Variants in HS3ST6 observed in about 807,000 individuals in gnomAD.
The protein encoded by HS3ST6 is heparan sulfate glucosamine 3-O-sulfotransferase 6.
Under a neutral mutation model 11.0 loss-of-function variants are expected in HS3ST6, and 13 were observed. The ratio of observed to expected loss-of-function variants is 1.18; its 90% confidence interval spans 0.77 to 1.88. HS3ST6 has a LOEUF of 1.88. HS3ST6 is among the 40% of genes most tolerant of loss of function. The pLI, the probability that HS3ST6 is intolerant of heterozygous loss-of-function variation, is 0.00. For missense variants in HS3ST6, 541 were observed against 494.4 expected (o/e 1.09, Z -0.89); for synonymous variants, 232 against 230.6 (o/e 1.01, Z -0.06).
chr16:1,916,095 AG>A (rs1365196906), intron 1 of HS3ST6, among the ~76,000 whole-genome samples: 14 of 63,174 alleles, frequency 2.2e-4, no homozygotes, highest in African/African-American at 8.2e-4. Flanking sequence ...GGCTCATTGC[AG>A]GCTCCTAGCA....
Position 1,918,223 on chromosome 16 carries a change from A to T in HS3ST6, c.101T>A (p.Leu34His). Residue 34 changes from leucine (L) to histidine (H), a missense_variant, in exon 1 of 2, where the codon CTC becomes CAC. Leu to His is a moderately conservative substitution (Grantham distance 99). Coordinates refer to ENST00000454677, the MANE Select transcript of HS3ST6 (RefSeq NM_001009606.4). This position sits in a 1 kb window ranked among gnomAD's most constrained non-coding sequence, Gnocchi z 6.0. ...ALRASRAPML[L>H]VALVLGAYCL... ...GTAGGCGCCGAGCACCAGGGCCACG[A>T]GCAGCATCGGCGCGCGGGACGCCCG... 1 of 1,042,722 alleles carries T rather than the reference A, an allele frequency of 9.6e-7. No individual in the cohort carries two copies. Among genetic ancestry groups the T allele is most frequent in the Non-Finnish European group, 1.1e-6 (1 of 869,748 alleles). The allele number at this position is 1,042,722 out of a possible 1,614,324, so 64.6% of individuals were successfully genotyped here.
intron 1 of HS3ST6, among the ~76,000 whole-genome samples, chr16:1,916,804 C>T (rs2082929698): frequency 6.6e-6 from 1 of 151,032 alleles, no homozygotes; most frequent in Non-Finnish European, 1.5e-5. Flanking sequence ...CTTGGTAGCC[C>T]CTCCTACCCT....
In HS3ST6 at chr16:1,912,179, C is replaced by T. The variant is rs1445903843; in HGVS notation, c.440G>A (p.Gly147Glu). Residue 147 changes from glycine to glutamate, a missense_variant, in exon 2 of 2, where the codon GGG becomes GAG. Transcript: ENST00000454677. The surrounding 1 kb of genome is among the most constrained non-coding windows in gnomAD (Gnocchi z 5.6). Reference protein sequence around the residue: ...YRSLMPRTLDGQITMEKTPSY... With the variant: ...YRSLMPRTLDEQITMEKTPSY... ...GGGGGTCTTCTCCATGGTGATCTGC[C>T]CATCCAGGGTTCGGGGCATCAGACT... The T allele has an allele frequency of 1.4e-6, 2 of 1,454,614 alleles. No homozygotes were observed. The highest frequency in any genetic ancestry group is 2.6e-5 in the East Asian group (1 of 38,862). 90.1% of individuals were successfully genotyped at this position (1,454,614 alleles called of 1,614,324 possible).
Position 1,911,606 on chromosome 16 carries a change from T to A in HS3ST6, c.1013A>T (p.Asp338Val), listed in dbSNP as rs917808307. The A allele has an allele frequency of 6.2e-7, 1 of 1,604,640 alleles. No individual in the cohort carries two copies. The highest frequency in any genetic ancestry group is 1.3e-5 in the African/African-American group (1 of 74,718). The change falls in exon 2 of 2, where the codon GAC (aspartate) becomes GTC (valine). Residue 338 changes from aspartate (D) to valine (V), a missense_variant. Coordinates refer to ENST00000454677, the MANE Select transcript of HS3ST6 (RefSeq NM_001009606.4). The part of the protein sequence containing the change: ...NRRFYQMTGQ[D>V]FGWG ...GGGTGCCGCTCAGCCCCAGCCGAAG[T>A]CCTGGCCCGTCATCTGGTAGAACCT...
At chr16:1,914,515 G>C (rs559855047) in intron 1 of HS3ST6, among the ~76,000 whole-genome samples, 1 of 152,132 alleles carries the variant, frequency 6.6e-6, no homozygotes, top group African/African-American at 2.4e-5. Flanking sequence ...CTTCCCTCCC[G>C]TCTCGGGCAT....
upstream of HS3ST6, among the ~76,000 whole-genome samples, chr16:1,919,320 T>C (rs974601099): frequency 6.6e-6 from 1 of 152,064 alleles, no homozygotes; most frequent in Non-Finnish European, 1.5e-5. Flanking sequence ...GGCGTGAGAT[T>C]CAGGGGCCTC....
intron 1 of HS3ST6, among the ~76,000 whole-genome samples, chr16:1,915,122 G>A (rs1179600549): frequency 6.6e-6 from 1 of 152,170 alleles, no homozygotes; most frequent in Non-Finnish European, 1.5e-5. Flanking sequence ...GCCAGAAAGT[G>A]CAGGGGGACT....
At chr16:1,916,809 T>C (rs2082929729) in intron 1 of HS3ST6, among the ~76,000 whole-genome samples, 1 of 123,866 alleles carries the variant, frequency 8.1e-6, no homozygotes, top group South Asian at 3.0e-4. Flanking sequence ...TAGCCCCTCC[T>C]ACCCTCCTCC....
chr16:1,918,166 G>T lies in HS3ST6; in HGVS notation c.158C>A (p.Pro53Gln). Reference sequence around the variant, plus strand: ...GGCCGGCGCGGGGGCGCGGGCGGCCGGCGGGCAGCGGCCGGGGAGGGCGCA... The same window carrying T: ...GGCCGGCGCGGGGGCGCGGGCGGCCTGCGGGCAGCGGCCGGGGAGGGCGCA... ...CLCALPGRCPPAARAPAPAPA... is the reference protein window; with the variant it reads ...CLCALPGRCPQAARAPAPAPA... Residue 53 changes from proline (P) to glutamine (Q), a missense_variant, in exon 1 of 2, where the codon CCG (proline) becomes CAG (glutamine). Coordinates refer to ENST00000454677, the MANE Select transcript of HS3ST6 (RefSeq NM_001009606.4). This position sits in a 1 kb window ranked among gnomAD's most constrained non-coding sequence, Gnocchi z 6.0. The T allele has an allele frequency of 8.9e-7, 1 of 1,120,170 alleles. No homozygotes were observed. Among genetic ancestry groups the T allele is most frequent in the Non-Finnish European group, 1.1e-6 (1 of 918,912 alleles). 69.4% of individuals were successfully genotyped at this position (1,120,170 alleles called of 1,614,324 possible).
intron 1 of HS3ST6, among the ~76,000 whole-genome samples, chr16:1,914,822 T>C (rs2082915745): frequency 1.3e-5 from 2 of 152,104 alleles, no homozygotes; most frequent in African/African-American, 4.8e-5. Context: ...GATCAATTAC[T>C]TTCCCTCCCC....
chr16:1,911,479 G>A lies in HS3ST6; in HGVS notation c.*111C>T, dbSNP rs2082885005. ...ACCTCGAGGTTTGTGGAAAAATCTG[G>A]GTCCAAGCTTTATTTCTTAAATATT... On this transcript the variant is annotated 3_prime_UTR_variant, in exon 2 of 2. Coordinates refer to ENST00000454677, the MANE Select transcript of HS3ST6 (RefSeq NM_001009606.4). The A allele has an allele frequency of 1.5e-6, 2 of 1,308,390 alleles. No homozygotes were observed. Among genetic ancestry groups the A allele is most frequent in the South Asian group, 1.6e-5 (1 of 64,232 alleles). 81.0% of individuals were successfully genotyped at this position (1,308,390 alleles called of 1,614,324 possible). A position where few individuals can be genotyped will look rare whatever the true frequency, so the allele number is the denominator to read the frequency against.
Position 1,911,959 on chromosome 16 carries a change from C to T in HS3ST6, c.660G>A (p.Trp220Ter). The change falls in exon 2 of 2, where the codon TGG (tryptophan) becomes TGA (stop). Residue 220 changes from tryptophan to a stop codon, truncating the protein, a stop_gained. Coordinates refer to ENST00000454677, the MANE Select transcript of HS3ST6 (RefSeq NM_001009606.4). LOFTEE classifies it low-confidence loss of function (END_TRUNC). ...CGTACAGGCCGATGCGGACGGCGCTCCAGGCTGTGTCCACGGGGCCCAGGC... is the reference window on the plus strand; with the variant it reads ...CGTACAGGCCGATGCGGACGGCGCTTCAGGCTGTGTCCACGGGGCCCAGGC... ...RHGLGPVDTA[W>*]SAVRIGLYAQ... is the part of the protein sequence containing the mutation. The T allele has an allele frequency of 6.4e-7, 1 of 1,569,840 alleles. No individual in the cohort carries two copies. Among genetic ancestry groups the T allele is most frequent in the Non-Finnish European group, 8.6e-7 (1 of 1,156,704 alleles).
At chr16:1,919,896 A>G (rs543992032), upstream of HS3ST6, among the ~76,000 whole-genome samples, 1 of 152,214 alleles carries the variant, frequency 6.6e-6, no homozygotes, top group Admixed American at 6.5e-5. Flanking sequence ...ATGCTGGCTT[A>G]TGCTGGGTCA....
Position 1,917,946 on chromosome 16 carries a change from G to A in HS3ST6, c.378C>T (p.Phe126=), listed in dbSNP as rs574135924. ...CGAGGCCGCGCTCGTAGCACCTGTC[G>A]AAGAAGTGGGGCTCAGAGCCCAGCG... ...VRALGSEPHF[F]DRCYERGLAW... Residue 126 remains phenylalanine, a synonymous_variant, in exon 1 of 2, where the codon TTC becomes TTT. Coordinates refer to ENST00000454677, the MANE Select transcript of HS3ST6 (RefSeq NM_001009606.4). 1.4e-4 allele frequency: 213 copies of A among 1,510,904 alleles called. 3 individuals carry two copies. In the Middle Eastern group the frequency reaches 3.3e-3, roughly 23 times the overall value. The allele number at this position is 1,510,904 out of a possible 1,614,324, so 93.6% of individuals were successfully genotyped here.
chr16:1,913,022 C>A (rs368217122), intron 1 of HS3ST6, among the ~76,000 whole-genome samples: 2 of 152,258 alleles, frequency 1.3e-5, no homozygotes, highest in South Asian at 4.1e-4. Context: ...GAACTCCTGA[C>A]CTCAGGTGAT....
At chr16:1,914,527 C>T (rs980706797) in intron 1 of HS3ST6, among the ~76,000 whole-genome samples, 4 of 152,214 alleles carry the variant, frequency 2.6e-5, no homozygotes, top group African/African-American at 9.6e-5. Flanking sequence ...CTCGGGCATA[C>T]TGACCCCAGG....
rs1657142 is a variant in HS3ST6, at chr16:1,912,998, G to T, written c.414-793C>A. Among the ~76,000 whole-genome samples the T allele has an allele frequency of 2.0e-5, 3 of 151,752 alleles. No homozygotes were observed. Among genetic ancestry groups the T allele is most frequent in the Non-Finnish European group, 4.4e-5 (3 of 67,932 alleles). On this transcript the variant is annotated intron_variant, in intron 1 of 1. Transcript: ENST00000454677. This position sits in a 1 kb window ranked among gnomAD's most constrained non-coding sequence, Gnocchi z 5.6. ...GTAGAGACGGGGTTTCGCCATGTTG[G>T]CCAGGCTGGTCTCGAACTCCTGACC...
Position 1,912,339 on chromosome 16 carries a change from G to A in HS3ST6, c.414-134C>T, listed in dbSNP as rs1007057098. 10 of 803,304 alleles carry A rather than the reference G, an allele frequency of 1.2e-5. No individual in the cohort carries two copies. Among genetic ancestry groups the A allele is most frequent in the South Asian group, 1.1e-4 (2 of 17,492 alleles). The allele number at this position is 803,304 out of a possible 1,614,324, so 49.8% of individuals were successfully genotyped here. Reference sequence around the variant, plus strand: ...GGCGAGCAAGTCTTCCTCCCTGCTCGGGCCCACCCCTGCTAGCGTGCGCGG... The same window carrying A: ...GGCGAGCAAGTCTTCCTCCCTGCTCAGGCCCACCCCTGCTAGCGTGCGCGG... On this transcript the variant is annotated intron_variant, in intron 1 of 1. Transcript: ENST00000454677. The surrounding 1 kb of genome is among the most constrained non-coding windows in gnomAD (Gnocchi z 5.6).
chr16:1,914,245 C>T (rs535083351), intron 1 of HS3ST6, among the ~76,000 whole-genome samples: 3 of 152,164 alleles, frequency 2.0e-5, no homozygotes, highest in South Asian at 2.1e-4. Context: ...CTGGAACCCG[C>T]GTGGGAGCCG....
Sources: gnomAD v4.1 joint callset for allele counts (sites outside exome capture counted in the v4.1 genomes callset) on GRCh38, gnomAD v4.1.1 for gene constraint, Gnocchi (gnomAD v3.1) non-coding constraint, MANE v1.5 for transcripts, NCBI Gene and HGNC (gene_info 2026-07-23, HGNC 2026-07-21) for gene names.